OPN5: variants seen among roughly 807,000 people sequenced by gnomAD.
OPN5 encodes opsin 5, also known as opsin-5.
Under a neutral mutation model 41.7 loss-of-function variants are expected in OPN5, and 18 were observed. The ratio of observed to expected loss-of-function variants is 0.43; its 90% CI spans 0.30 to 0.64. The LOEUF (loss-of-function observed/expected upper bound fraction) is 0.64, where lower values mean the gene tolerates loss of function less well. OPN5 is among the 30% of genes least tolerant of loss of function. The pLI is 0.13. For missense variants in OPN5, 318 were observed against 434.5 expected, an observed-to-expected ratio of 0.73 and a Z score of 2.38; for synonymous variants, 178 against 164.3, an observed-to-expected ratio of 1.08 and a Z score of -0.64.
chr6:47,786,843 T>C (rs1487845371), intron 2 of OPN5, among the ~76,000 whole-genome samples: 4 of 152,220 alleles, frequency 2.6e-5, no homozygotes, highest in Admixed American at 2.6e-4. Flanking sequence ...ATTGAGTCTT[T>C]TCTGTGTGTC....
intron 6 of OPN5, among the ~76,000 whole-genome samples, chr6:47,814,046 A>G (rs1762352449): frequency 6.6e-6 from 1 of 152,210 alleles, no homozygotes; most frequent in African/African-American, 2.4e-5. Context: ...ATATCATTAT[A>G]TCATTATAAC....
Position 47,791,891 on chromosome 6 carries a change from T to C in OPN5, c.340T>C (p.Phe114Leu), listed in dbSNP as rs778478489. 3.7e-6 allele frequency: 6 copies of C among 1,613,912 alleles called. No individual in the cohort carries two copies. The African/African-American group carries it at 8.0e-5, about 22-fold the overall frequency. ...CTGCCGCTGGTATGGATGGGCTGGA[T>C]TTTTCTTTGGCTGTGGAAGCCTTAT... is the stretch of plus-strand genomic sequence containing the variant. The change falls in exon 3 of 7, where the codon TTT (phenylalanine) becomes CTT (leucine). Residue 114 changes from phenylalanine (F) to leucine (L), a missense_variant. By Grantham distance (22) the Phe-to-Leu change is conservative. Coordinates refer to ENST00000371211, the Ensembl canonical transcript of OPN5.
chr6:47,809,348 G>T (rs950807698), intron 5 of OPN5, among the ~76,000 whole-genome samples: 3 of 152,222 alleles, frequency 2.0e-5, no homozygotes, highest in Admixed American at 6.5e-5. Context: ...AACTAGCTAT[G>T]AGAAGATGTG....
chr6:47,784,148 G>A (rs1212011445), intron 1 of OPN5, among the ~76,000 whole-genome samples: 2 of 152,146 alleles, frequency 1.3e-5, no homozygotes, highest in East Asian at 1.9e-4. Context: ...GGCACTAGGA[G>A]GTGGAGCCAA....
intron 6 of OPN5, among the ~76,000 whole-genome samples, chr6:47,816,431 A>G (rs1240214051): frequency 1.3e-5 from 2 of 152,124 alleles, no homozygotes; most frequent in Non-Finnish European, 2.9e-5. Flanking sequence ...AAGGTCTTCT[A>G]GAGCAGAATT....
At chr6:47,785,262 G>A (rs1330562561) in intron 1 of OPN5, among the ~76,000 whole-genome samples, 1 of 152,140 alleles carries the variant, frequency 6.6e-6, no homozygotes, top group Admixed American at 6.5e-5. Flanking sequence ...TTCCTTGAGT[G>A]AGACCTGTTT....
intron 4 of OPN5, among the ~76,000 whole-genome samples, chr6:47,806,686 T>C (rs1264743777): frequency 6.6e-6 from 1 of 152,232 alleles, no homozygotes; most frequent in Non-Finnish European, 1.5e-5. Context: ...AGCTCAATAA[T>C]GCCATACAAA....
intron 6 of OPN5, chr6:47,823,390 A>T (rs1000198570): frequency 1.3e-5 from 2 of 152,712 alleles, no homozygotes; most frequent in African/African-American, 4.8e-5. Context: ...GTAGGAGAAG[A>T]TACGTACCTG....
At chr6:47,819,110 G>A (rs1355022919) in intron 6 of OPN5, among the ~76,000 whole-genome samples, 1 of 151,722 alleles carries the variant, frequency 6.6e-6, no homozygotes, top group Non-Finnish European at 1.5e-5. Flanking sequence ...CAAAAAGGAG[G>A]CAGGTGTGGC....
intron 4 of OPN5, among the ~76,000 whole-genome samples, chr6:47,807,035 T>C (rs575023288): frequency 6.6e-6 from 1 of 152,272 alleles, no homozygotes; most frequent in Non-Finnish European, 1.5e-5. Context: ...TGTGCACCTG[T>C]AATCCCAGCT....
rs1183709040 is a variant in OPN5, at chr6:47,799,213, TATATAC to T, written c.756+3652_756+3657del. Among the ~76,000 whole-genome samples the T allele has an allele frequency of 1.3e-4, 19 of 147,180 alleles. No homozygotes were observed. The South Asian group carries it at 3.9e-3, about 30-fold the overall frequency. Reference sequence around the variant, plus strand: ...GGTGTGATGTATATATATATATATATATATACACACACACACACATGATATACATGA... The same window carrying T: ...GGTGTGATGTATATATATATATATATACACACACACACATGATATACATGA... On this transcript the variant is annotated intron_variant, in intron 4 of 6. Transcript: ENST00000371211.
At chr6:47,816,644 T>C (rs1762437057) in intron 6 of OPN5, among the ~76,000 whole-genome samples, 1 of 151,990 alleles carries the variant, frequency 6.6e-6, no homozygotes, top group Non-Finnish European at 1.5e-5. Flanking sequence ...AAGTTCAGAG[T>C]ACAGTTTCAG....
chr6:47,819,336 A>AATATATATATATATATATATATATAT (rs1363402346), intron 6 of OPN5, among the ~76,000 whole-genome samples: 4 of 24,312 alleles, frequency 1.6e-4, no homozygotes, highest in South Asian at 1.2e-3. Flanking sequence ...GAAAATTAGG[A>AATATATATATATATATATATATATAT]ATATATATAT....
intron 4 of OPN5, among the ~76,000 whole-genome samples, chr6:47,805,702 A>T (rs1358799528): frequency 2.0e-5 from 3 of 152,180 alleles, no homozygotes; most frequent in Admixed American, 1.3e-4. Context: ...GGAAAAACAC[A>T]TCCAATTAAC....
intron 4 of OPN5, among the ~76,000 whole-genome samples, chr6:47,800,514 T>A (rs1007382575): frequency 3.9e-5 from 6 of 152,192 alleles, no homozygotes; most frequent in African/African-American, 1.4e-4. Context: ...ACAATACTGA[T>A]GTTATTTGCA....
intron 5 of OPN5, among the ~76,000 whole-genome samples, chr6:47,809,663 T>C (rs914840522): frequency 4.6e-5 from 7 of 152,168 alleles, no homozygotes; most frequent in Non-Finnish European, 8.8e-5. Context: ...TTAAGCAAAA[T>C]TGATGTGTGA....
rs199877119 is a variant in OPN5 at position 47,798,449 on chromosome 6, ATAGT to A, written c.756+2890_756+2893del. Among the ~76,000 whole-genome samples the A allele has an allele frequency of 1.0e-3, 158 of 151,958 alleles. No homozygotes were observed. The East Asian group carries it at 0.028, about 27-fold the overall frequency. On this transcript the variant is annotated intron_variant, in intron 4 of 6. Transcript: ENST00000371211. The stretch of plus-strand genomic sequence containing the variant: ...GCTTGACTTGGACTGGGTAGATCAA[ATAGT>A]TAGGCTCACTCTAGACCAGATTAAC...
intron 5 of OPN5, among the ~76,000 whole-genome samples, chr6:47,810,987 G>A (rs1349042148): frequency 6.6e-6 from 1 of 152,166 alleles, no homozygotes; most frequent in African/African-American, 2.4e-5. Flanking sequence ...TCTCCCAGAT[G>A]ACTCTCTTGT....
At chr6:47,819,615 C>G (rs1281175732) in intron 6 of OPN5, among the ~76,000 whole-genome samples, 1 of 151,616 alleles carries the variant, frequency 6.6e-6, no homozygotes, top group African/African-American at 2.4e-5. Flanking sequence ...TGGCGTGTTT[C>G]CCATTATAGT....
Sources: allele counts gnomAD v4.1 joint callset (sites outside exome capture counted in the v4.1 genomes callset), GRCh38; gene constraint gnomAD v4.1.1; transcripts MANE v1.5; gene names NCBI Gene and HGNC (gene_info 2026-07-23, HGNC 2026-07-21).